Variants in CNTNAP4 observed in about 807,000 individuals in gnomAD.
CNTNAP4 encodes the protein contactin associated protein family member 4, also known as contactin-associated protein-like 4.
A neutral mutation model predicts 148.4 loss-of-function variants in CNTNAP4; 98 were observed. That is an observed-to-expected ratio of 0.66 (90% CI 0.56 to 0.78). CNTNAP4 has a LOEUF of 0.78. Among genes scored for constraint, CNTNAP4 ranks in the 30% least tolerant of loss-of-function variants. CNTNAP4 has a pLI of 0.00. For missense variants in CNTNAP4, 1,935 were observed against 1,565.6 expected (o/e 1.24, Z -3.98); for synonymous variants, 730 against 565.1 (o/e 1.29, Z -4.14).
chr16:76,426,096 TTATGTGAGCTTGAACATTTAGTG>T (rs369366557), intron 3 of CNTNAP4, among the ~76,000 whole-genome samples: 1 of 152,112 alleles, frequency 6.6e-6, no homozygotes, highest in Non-Finnish European at 1.5e-5. Context: ...TGTGCCTGTG[TTATGTGAGCTTGAACATTTAGTG>T]TATGGGGTAC....
chr16:76,414,750 C>T (rs780773083), intron 3 of CNTNAP4, among the ~76,000 whole-genome samples: 6 of 151,032 alleles, frequency 4.0e-5, no homozygotes, highest in Non-Finnish European at 7.4e-5. Flanking sequence ...TGGTAAGTGG[C>T]GATTGGTTTG....
At chr16:76,462,679 T>C (rs948757483) in intron 9 of CNTNAP4, among the ~76,000 whole-genome samples, 1 of 152,148 alleles carries the variant, frequency 6.6e-6, no homozygotes, top group African/African-American at 2.4e-5. Context: ...ACCCGCCCAG[T>C]GGATGTTTGT....
intron 17 of CNTNAP4, among the ~76,000 whole-genome samples, chr16:76,532,548 C>T (rs939717422): frequency 6.6e-6 from 1 of 152,154 alleles, no homozygotes; most frequent in African/African-American, 2.4e-5. Context: ...TGTTTCAGAG[C>T]AGCAAATGTA....
intron 3 of CNTNAP4, among the ~76,000 whole-genome samples, chr16:76,364,768 T>C (rs1405016202): frequency 6.6e-6 from 1 of 152,218 alleles, no homozygotes; most frequent in Non-Finnish European, 1.5e-5. Flanking sequence ...TATACTTTAT[T>C]AAGTATATTT....
At chr16:76,325,970 T>G (rs1962929945) in intron 2 of CNTNAP4, among the ~76,000 whole-genome samples, 1 of 151,926 alleles carries the variant, frequency 6.6e-6, no homozygotes, top group Non-Finnish European at 1.5e-5. Context: ...AGAGAGAAAT[T>G]TATAATTAAA....
intron 9 of CNTNAP4, 140 bp downstream of exon 9, chr16:76,462,245 G>T: frequency 2.7e-6 from 2 of 751,708 alleles, no homozygotes; most frequent in Non-Finnish European, 4.1e-6. Flanking sequence ...GGACATTTTG[G>T]GTGGATCAAG....
intron 13 of CNTNAP4, among the ~76,000 whole-genome samples, chr16:76,494,365 A>G (rs960002985): frequency 6.6e-6 from 1 of 152,206 alleles, no homozygotes; most frequent in African/African-American, 2.4e-5. Flanking sequence ...GATAAAATAT[A>G]TACTTCCAAA....
intron 2 of CNTNAP4, among the ~76,000 whole-genome samples, chr16:76,353,013 A>T (rs2012037815): frequency 6.6e-6 from 1 of 152,230 alleles, no homozygotes; most frequent in African/African-American, 2.4e-5. Flanking sequence ...ATTCTGCTTT[A>T]TAAGCATAAA....
intron 23 of CNTNAP4, chr16:76,557,603 T>G (rs1417253444): frequency 1.3e-5 from 2 of 152,196 alleles, no homozygotes; most frequent in Non-Finnish European, 2.9e-5. Context: ...TTTCCTACAA[T>G]TGTCTGGCAG....
At chr16:76,278,359 A>G (rs1480229492) in intron 1 of CNTNAP4, among the ~76,000 whole-genome samples, 2 of 152,198 alleles carry the variant, frequency 1.3e-5, no homozygotes, top group African/African-American at 4.8e-5. Flanking sequence ...CTCTTCCTAC[A>G]TTTCGCTTAA....
At chr16:76,331,971 C>G (rs555391215) in intron 2 of CNTNAP4, among the ~76,000 whole-genome samples, 1 of 152,272 alleles carries the variant, frequency 6.6e-6, no homozygotes, top group South Asian at 2.1e-4. Context: ...GGTAGTTTTA[C>G]TAGATTTAGA....
At chr16:76,462,136 C>T in intron 9 of CNTNAP4, 31 bp downstream of exon 9, 1 of 1,587,522 alleles carries the variant, frequency 6.3e-7, no homozygotes, top group South Asian at 1.1e-5. Context: ...CTATGAGCAA[C>T]TGAACCATAT....
chr16:76,529,053 T>G (rs2083862256), intron 17 of CNTNAP4, among the ~76,000 whole-genome samples: 1 of 152,232 alleles, frequency 6.6e-6, no homozygotes, highest in African/African-American at 2.4e-5. Context: ...CGTAATGTGA[T>G]AGATTAGACA....
Position 76,489,380 on chromosome 16 carries a change from A to G in CNTNAP4, c.1883-306A>G, listed in dbSNP as rs978737922. ...AATATCGATTTCAATGAAATAAAAT[A>G]CATCACAAAAATAATCAGATTTCTT... On this transcript the variant is annotated intron_variant, in intron 12 of 23. Coordinates refer to ENST00000611870, the MANE Select transcript of CNTNAP4 (RefSeq NM_033401.5). Among the ~76,000 whole-genome samples, 3 of 152,310 alleles carry G rather than the reference A, an allele frequency of 2.0e-5. No individual in the cohort carries two copies. In the South Asian group the frequency reaches 6.2e-4, roughly 32 times the overall value.
chr16:76,420,480 T>C (rs964550223), intron 3 of CNTNAP4, among the ~76,000 whole-genome samples: 23 of 152,052 alleles, frequency 1.5e-4, no homozygotes, highest in South Asian at 4.2e-4. Flanking sequence ...TCCCCACAGA[T>C]TGGAAAGATG....
At chr16:76,431,595 C>G (rs1013463626) in intron 4 of CNTNAP4, among the ~76,000 whole-genome samples, 1 of 152,156 alleles carries the variant, frequency 6.6e-6, no homozygotes, top group Non-Finnish European at 1.5e-5. Flanking sequence ...AGGAGAATCA[C>G]TTGAACCCAG....
At chr16:76,299,335 G>C (rs1296444695) in intron 1 of CNTNAP4, among the ~76,000 whole-genome samples, 1 of 152,112 alleles carries the variant, frequency 6.6e-6, no homozygotes, top group East Asian at 1.9e-4. Context: ...ATGGGCGAAG[G>C]ATATGAATAG....
chr16:76,458,928 A>G (rs2080835330), intron 8 of CNTNAP4, among the ~76,000 whole-genome samples: 1 of 151,798 alleles, frequency 6.6e-6, no homozygotes, highest in Admixed American at 6.5e-5. Context: ...ACTAATTTAC[A>G]GTTCCCCCTT....
At chr16:76,290,607 G>T (rs1959075367) in intron 1 of CNTNAP4, among the ~76,000 whole-genome samples, 1 of 152,082 alleles carries the variant, frequency 6.6e-6, no homozygotes, top group African/African-American at 2.4e-5. Flanking sequence ...CAAGAAAAGG[G>T]TAAGTGGTTG....
Sources: gnomAD v4.1 joint callset for allele counts (sites outside exome capture counted in the v4.1 genomes callset) on GRCh38, gnomAD v4.1.1 for gene constraint, MANE v1.5 for transcripts, NCBI Gene and HGNC (gene_info 2026-07-23, HGNC 2026-07-21) for gene names.